CELSR1: variants seen among roughly 807,000 people sequenced by gnomAD.
CELSR1 encodes cadherin EGF LAG seven-pass G-type receptor 1, also known as adhesion G protein-coupled receptor C1.
A neutral mutation model predicts 249.1 loss-of-function variants in CELSR1; 110 were observed. The ratio of observed to expected loss-of-function variants is 0.44; its 90% confidence interval spans 0.38 to 0.52. The LOEUF (loss-of-function observed/expected upper bound fraction) is 0.52, where lower values mean the gene tolerates loss of function less well. CELSR1 is among the 20% of genes least tolerant of loss of function. CELSR1 has a pLI of 0.00. For synonymous variants in CELSR1, 2,113 were observed against 1,900.0 expected, an observed-to-expected ratio of 1.11 and a Z score of -2.92; for missense variants, 4,109 against 4,296.4, an observed-to-expected ratio of 0.96 and a Z score of 1.22.
rs907986766 is a variant in CELSR1 at position 46,512,260 on chromosome 22, T to C, written c.3544+21367A>G. Among the ~76,000 whole-genome samples the C allele has an allele frequency of 4.7e-5, 7 of 149,952 alleles. No homozygotes were observed. The highest frequency in any genetic ancestry group is 7.4e-5 in the Non-Finnish European group (5 of 67,990). The stretch of plus-strand genomic sequence containing the variant: ...ACCAAGAAGCACTCAGGGACTGAGG[T>C]GTCAGCCCCCAAATCAAGGTCCAAT... On this transcript the variant is annotated intron_variant, in intron 1 of 34. Coordinates refer to ENST00000674500, the MANE Select transcript of CELSR1 (RefSeq NM_001378328.1). This position sits in a 1 kb window ranked among gnomAD's most constrained non-coding sequence, Gnocchi z 5.2.
rs2079166366 is a variant in CELSR1, at chr22:46,397,796, T to C, written c.5579A>G (p.Asn1860Ser). 2.5e-6 allele frequency: 4 copies of C among 1,602,332 alleles called. No individual in the cohort carries two copies. Among genetic ancestry groups the C allele is most frequent in the Non-Finnish European group, 2.6e-6 (3 of 1,173,560 alleles). Residue 1860 changes from asparagine (N) to serine (S), a missense_variant, in exon 12 of 35, where the codon AAC becomes AGC. By Grantham distance (46) the Asn-to-Ser change is conservative (BLOSUM62 1). Coordinates refer to ENST00000674500, the MANE Select transcript of CELSR1 (RefSeq NM_001378328.1). ...GTCCTTCACCCTGACCTTGAGTGCGTTGTTCATGTTCAGGGTGGCGACGTT... is the reference window on the plus strand; with the variant it reads ...GTCCTTCACCCTGACCTTGAGTGCGCTGTTCATGTTCAGGGTGGCGACGTT... ...PTNVATLNMN[N>S]ALKVRVKDGC... is the part of the protein sequence containing the mutation.
intron 1 of CELSR1, among the ~76,000 whole-genome samples, chr22:46,479,688 C>T (rs952593135): frequency 1.3e-5 from 2 of 152,136 alleles, no homozygotes; most frequent in African/African-American, 4.8e-5. Flanking sequence ...GAAAATATAT[C>T]ACAGCCGGGA....
chr22:46,527,037 G>A lies in CELSR1; in HGVS notation c.3544+6590C>T, dbSNP rs1327738326. Among the ~76,000 whole-genome samples the A allele has an allele frequency of 3.9e-5, 6 of 152,162 alleles. No individual in the cohort carries two copies. The highest frequency in any genetic ancestry group is 6.5e-5 in the Admixed American group (1 of 15,280). ...AGGGAACATGCCTTAGGAGCTGCCC[G>A]GTCCAGGTTCAAATCCCACTGCTGC... On this transcript the variant is annotated intron_variant, in intron 1 of 34. Transcript: ENST00000674500. The surrounding 1 kb of genome is among the most constrained non-coding windows in gnomAD (Gnocchi z 5.5).
Position 46,381,744 on chromosome 22 carries a change from C to G in CELSR1, c.7088+102G>C, listed in dbSNP as rs747058925. 1.6e-4 allele frequency: 176 copies of G among 1,075,650 alleles called. No homozygotes were observed. The highest frequency in any genetic ancestry group is 2.2e-4 in the Non-Finnish European group (169 of 759,346). The allele number at this position is 1,075,650 out of a possible 1,614,324, so 66.6% of individuals were successfully genotyped here. On this transcript the variant is annotated intron_variant, in intron 21 of 34. Coordinates refer to ENST00000674500, the MANE Select transcript of CELSR1 (RefSeq NM_001378328.1). The surrounding 1 kb of genome is among the most constrained non-coding windows in gnomAD (Gnocchi z 6.0). Reference sequence around the variant, plus strand: ...GGGCCAGGGTCACGGTGAAATGTCACTGTGAAGACCTGTGCTTGATCAGGA... The same window carrying G: ...GGGCCAGGGTCACGGTGAAATGTCAGTGTGAAGACCTGTGCTTGATCAGGA...
chr22:46,476,473 G>A (rs1315353077), intron 1 of CELSR1, among the ~76,000 whole-genome samples: 2 of 151,902 alleles, frequency 1.3e-5, no homozygotes, highest in Non-Finnish European at 2.9e-5. Flanking sequence ...GTGCACACCT[G>A]TGGTCCCAGC....
At position 46,434,129 on chromosome 22, in the gene CELSR1, A is replaced by C. The variant is rs112527316; in HGVS notation, c.4523-648T>G. Among the ~76,000 whole-genome samples, 1,252 of 152,292 alleles carry C rather than the reference A, an allele frequency of 8.2e-3. 18 individuals are homozygous for C. The highest frequency in any genetic ancestry group is 0.028 in the African/African-American group (1,176 of 41,554). On this transcript the variant is annotated intron_variant, in intron 4 of 34. Coordinates refer to ENST00000674500, the MANE Select transcript of CELSR1 (RefSeq NM_001378328.1). The surrounding 1 kb of genome is among the most constrained non-coding windows in gnomAD (Gnocchi z 4.9). ...AGACAAAATCATCAAAACCAATTCC[A>C]CTTTAGGTCACTTAATCAAATAAAT...
At chr22:46,449,295 T>TATCCAACCATCACACATCCATCC (rs2079854801) in intron 2 of CELSR1, among the ~76,000 whole-genome samples, 1 of 149,434 alleles carries the variant, frequency 6.7e-6, no homozygotes, top group Non-Finnish European at 1.5e-5. Context: ...TTCATCCATC[T>TATCCAACCATCACACATCCATCC]ATCCACCCAT....
intron 1 of CELSR1, among the ~76,000 whole-genome samples, chr22:46,523,563 A>AAATAAATAAAT (rs2080707579): frequency 8.2e-6 from 1 of 121,540 alleles, no homozygotes; most frequent in Non-Finnish European, 1.7e-5. Context: ...AATAAATAAA[A>AAATAAATAAAT]TAAAAAGAAA....
At chr22:46,492,570 A>C (rs1198913345) in intron 1 of CELSR1, among the ~76,000 whole-genome samples, 1 of 152,004 alleles carries the variant, frequency 6.6e-6, no homozygotes, top group Non-Finnish European at 1.5e-5. Flanking sequence ...ACGCCTGTAA[A>C]CCCAGCACTT....
At chr22:46,531,864 G>A (rs563119123) in intron 1 of CELSR1, among the ~76,000 whole-genome samples, 3 of 152,106 alleles carry the variant, frequency 2.0e-5, no homozygotes, top group Non-Finnish European at 4.4e-5. Context: ...TGGTCTGGGG[G>A]GTGGTGTGGA....
chr22:46,388,563 G>A (rs865850042), intron 18 of CELSR1, among the ~76,000 whole-genome samples: 5 of 151,954 alleles, frequency 3.3e-5, no homozygotes, highest in African/African-American at 9.7e-5. Flanking sequence ...AGGTCCCTGA[G>A]GGCTCCGTGG....
In CELSR1 at chr22:46,500,336, T is replaced by C. The variant is rs1665037811; in HGVS notation, c.3544+33291A>G. The stretch of plus-strand genomic sequence containing the variant: ...TTAACTGCCTGCTGGAGATGACCTT[T>C]TATATGGAGCCGCTGACAGCCCCCT... On this transcript the variant is annotated intron_variant, in intron 1 of 34. Coordinates refer to ENST00000674500, the MANE Select transcript of CELSR1 (RefSeq NM_001378328.1). This position sits in a 1 kb window ranked among gnomAD's most constrained non-coding sequence, Gnocchi z 4.9. 6.6e-6 allele frequency among the ~76,000 whole-genome samples: 1 copy of C among 152,172 alleles called. No homozygotes were observed. The highest frequency in any genetic ancestry group is 1.5e-5 in the Non-Finnish European group (1 of 68,034).
chr22:46,370,367 G>C, intron 25 of CELSR1: 1 of 326,176 alleles, frequency 3.1e-6, no homozygotes, highest in South Asian at 2.4e-5. Flanking sequence ...GTGCAGACAC[G>C]CATCACAGAT....
chr22:46,482,406 C>G (rs1052546206), intron 1 of CELSR1, among the ~76,000 whole-genome samples: 6 of 152,136 alleles, frequency 3.9e-5, no homozygotes, highest in African/African-American at 1.4e-4. Flanking sequence ...CCCTGGGTAG[C>G]TGGAGAGGCA....
intron 5 of CELSR1, among the ~76,000 whole-genome samples, chr22:46,426,976 C>T (rs549754160): frequency 6.6e-6 from 1 of 152,306 alleles, no homozygotes; most frequent in East Asian, 1.9e-4. Flanking sequence ...GCTGGGACGG[C>T]ATCAGGGGGA....
chr22:46,438,027 C>T (rs949649468), intron 3 of CELSR1, among the ~76,000 whole-genome samples: 2 of 152,124 alleles, frequency 1.3e-5, no homozygotes, highest in South Asian at 2.1e-4. Flanking sequence ...GGCTGGTGGG[C>T]GGTGTCAGTG....
At position 46,448,520 on chromosome 22, in the gene CELSR1, A is replaced by G. The variant is rs1280600848; in HGVS notation, c.4184-9109T>C. The G allele has an allele frequency of 2.3e-6, 1 of 433,490 alleles. No homozygotes were observed. The highest frequency in any genetic ancestry group is 2.6e-5 in the Admixed American group (1 of 37,818). 26.9% of individuals were successfully genotyped at this position (433,490 alleles called of 1,614,324 possible). A position where few individuals can be genotyped will look rare whatever the true frequency, so the allele number is the denominator to read the frequency against. On this transcript the variant is annotated intron_variant, in intron 2 of 34. Transcript: ENST00000674500. The surrounding 1 kb of genome is among the most constrained non-coding windows in gnomAD (Gnocchi z 5.7). ...AGGGCGTGTAAAGATTGACCACTTA[A>G]GTTCTTAAATAAATAAAAAGACAAT...
At chr22:46,382,523 G>A (rs1022730656) in intron 20 of CELSR1, among the ~76,000 whole-genome samples, 17 of 152,070 alleles carry the variant, frequency 1.1e-4, no homozygotes, top group Admixed American at 3.3e-4. Context: ...TGATCCGCCC[G>A]CCTCGGCCTC....
chr22:46,406,215 C>G lies in CELSR1; in HGVS notation c.5226+2781G>C, dbSNP rs913170046. On this transcript the variant is annotated intron_variant, in intron 9 of 34. Transcript: ENST00000674500. This position sits in a 1 kb window ranked among gnomAD's most constrained non-coding sequence, Gnocchi z 5.4. The stretch of plus-strand genomic sequence containing the variant: ...TTAATTTGTTCTGACAGTGAAACCA[C>G]CACACAGAAAATACCATCCCCAGGC... Among the ~76,000 whole-genome samples the G allele has an allele frequency of 6.6e-6, 1 of 152,244 alleles. No homozygotes were observed. The highest frequency in any genetic ancestry group is 6.5e-5 in the Admixed American group (1 of 15,288).
Sources: gnomAD v4.1 joint callset for allele counts (sites outside exome capture counted in the v4.1 genomes callset) on GRCh38, gnomAD v4.1.1 for gene constraint, Gnocchi (gnomAD v3.1) non-coding constraint, MANE v1.5 for transcripts, NCBI Gene and HGNC (gene_info 2026-07-23, HGNC 2026-07-21) for gene names.